CHODL: variants seen among roughly 807,000 people sequenced by gnomAD.
The protein encoded by CHODL is chondrolectin, also known as transmembrane protein MT75.
In CHODL, 29 loss-of-function variants were observed where a neutral mutation model predicts 34.5. The observed-to-expected ratio is 0.84, with a 90% CI of 0.63 to 1.15. CHODL has a LOEUF of 1.15. Among genes scored for constraint, CHODL ranks in the 50% most tolerant of loss-of-function variants. CHODL has a pLI of 0.00. For missense variants in CHODL, 332 were observed against 332.5 expected, an observed-to-expected ratio of 1.00 and a Z score of 0.01; for synonymous variants, 125 against 116.1, an observed-to-expected ratio of 1.08 and a Z score of -0.49.
chr21:18,156,430 A>G (rs1285777370), intron 2 of CHODL, among the ~76,000 whole-genome samples: 1 of 152,212 alleles, frequency 6.6e-6, no homozygotes, highest in South Asian at 2.1e-4. Flanking sequence ...ATATATACAC[A>G]CATATATAGT....
intron 2 of CHODL, among the ~76,000 whole-genome samples, chr21:18,038,278 A>T (rs942677593): frequency 2.0e-5 from 3 of 151,738 alleles, no homozygotes; most frequent in Non-Finnish European, 4.4e-5. Context: ...AGACATTCCC[A>T]ATGTATAAGG....
chr21:18,002,594 C>G (rs974143425), intron 1 of CHODL, among the ~76,000 whole-genome samples: 1 of 152,140 alleles, frequency 6.6e-6, no homozygotes, highest in Non-Finnish European at 1.5e-5. Context: ...TGAGCTAGTT[C>G]TCTATGAGCA....
At chr21:17,978,490 G>A (rs546041719) in intron 1 of CHODL, among the ~76,000 whole-genome samples, 1 of 151,570 alleles carries the variant, frequency 6.6e-6, no homozygotes, top group South Asian at 2.1e-4. Context: ...AGGCCGAGGT[G>A]GGCGGATCAT....
At position 18,245,397 on chromosome 21, in the gene CHODL, G is replaced by A. The variant is rs185236455; in HGVS notation, c.79+95G>A. 1.5e-4 allele frequency: 155 copies of A among 1,056,536 alleles called. No individual in the cohort carries two copies. The African/African-American group carries it at 2.3e-3, about 16-fold the overall frequency. 65.4% of individuals were successfully genotyped at this position (1,056,536 alleles called of 1,614,324 possible). On this transcript the variant is annotated intron_variant, in intron 1 of 5. Coordinates refer to ENST00000299295, the MANE Select transcript of CHODL (RefSeq NM_024944.3). ...TTCTCGGGCGGAGGCTCTCCGGGGC[G>A]TTGGAAACCTGCATGGTGTAAGGAC...
At chr21:18,025,663 C>A (rs2064167775) in intron 1 of CHODL, among the ~76,000 whole-genome samples, 2 of 151,876 alleles carry the variant, frequency 1.3e-5, no homozygotes, top group Admixed American at 1.3e-4. Context: ...TAACAAAATA[C>A]CCCCAGACTG....
rs189902710 is a variant in CHODL at position 18,093,637 on chromosome 21, A to G, written c.-45+65666A>G. On this transcript the variant is annotated intron_variant, in intron 2 of 6. Coordinates refer to the CHODL transcript ENST00000400127. ...TAGTTTTCTTTTTGCATGTTTGTTT[A>G]TGCAATCAGTGTTAAGTTGTCATCA... 3.0e-3 allele frequency among the ~76,000 whole-genome samples: 456 copies of G among 152,336 alleles called. 2 individuals are homozygous for G. The highest frequency in any genetic ancestry group is 4.6e-3 in the Non-Finnish European group (314 of 68,008).
intron 2 of CHODL, among the ~76,000 whole-genome samples, chr21:18,099,710 T>C (rs2065187993): frequency 6.6e-6 from 1 of 152,110 alleles, no homozygotes; most frequent in Non-Finnish European, 1.5e-5. Context: ...ACCAATCAAA[T>C]TATTCAATAA....
At chr21:18,113,148 C>T (rs1393129534) in intron 2 of CHODL, among the ~76,000 whole-genome samples, 30 of 152,022 alleles carry the variant, frequency 2.0e-4, no homozygotes, top group Non-Finnish European at 5.9e-5. Context: ...ATACAGATGG[C>T]AAATAGGCAT....
At chr21:18,028,208 T>TC (rs1483800853) in intron 2 of CHODL, among the ~76,000 whole-genome samples, 2 of 75,330 alleles carry the variant, frequency 2.7e-5, no homozygotes, top group East Asian at 2.4e-4. Flanking sequence ...CTTTAGCTCT[T>TC]CCTCCCCTCC....
At chr21:18,086,692 C>A (rs1329199451) in intron 2 of CHODL, among the ~76,000 whole-genome samples, 1 of 152,116 alleles carries the variant, frequency 6.6e-6, no homozygotes, top group Non-Finnish European at 1.5e-5. Context: ...TTTCTGGGAA[C>A]TTTATCACCA....
At chr21:18,200,961 C>T (rs944881685) in intron 2 of CHODL, among the ~76,000 whole-genome samples, 2 of 152,064 alleles carry the variant, frequency 1.3e-5, no homozygotes, top group Non-Finnish European at 2.9e-5. Flanking sequence ...TCCCCAGAAC[C>T]GTCAGAAGGA....
intron 2 of CHODL, among the ~76,000 whole-genome samples, chr21:18,096,349 C>T (rs948851213): frequency 1.3e-5 from 2 of 152,152 alleles, no homozygotes; most frequent in African/African-American, 4.8e-5. Context: ...TTTCAGGGAA[C>T]AAGGGAGATA....
intron 1 of CHODL, among the ~76,000 whole-genome samples, chr21:18,022,024 A>G (rs2064132768): frequency 6.6e-6 from 1 of 152,190 alleles, no homozygotes; most frequent in African/African-American, 2.4e-5. Flanking sequence ...CCAATGCCCC[A>G]GGAAATTAGT....
intron 1 of CHODL, among the ~76,000 whole-genome samples, chr21:18,248,584 T>TTA (rs534470680): frequency 0.014 from 1,873 of 137,746 alleles, 51 homozygotes; most frequent in African/African-American, 0.044. Context: ...GTAATGTATT[T>TTA]TATATATATA....
intron 2 of CHODL, among the ~76,000 whole-genome samples, chr21:18,037,211 C>A (rs190053576): frequency 6.6e-6 from 1 of 151,822 alleles, no homozygotes. Context: ...ATACAGCAAG[C>A]GATCCTATGT....
chr21:18,135,864 T>TC (rs1251997890), intron 2 of CHODL, among the ~76,000 whole-genome samples: 1 of 152,046 alleles, frequency 6.6e-6, no homozygotes, highest in East Asian at 1.9e-4. Context: ...ATTTCAGCAC[T>TC]TTGGGAGGCC....
rs537494771 is a variant in CHODL at position 18,040,749 on chromosome 21, G to A, written c.-45+12778G>A. Among the ~76,000 whole-genome samples, 4 of 151,798 alleles carry A rather than the reference G, an allele frequency of 2.6e-5. No individual in the cohort carries two copies. In the South Asian group the frequency reaches 6.2e-4, roughly 24 times the overall value. ...GGACCATTTTATTTTAGTGTATCTTGAGTGTTATCCACAGAACTCTTTACT... is the reference window on the plus strand; with the variant it reads ...GGACCATTTTATTTTAGTGTATCTTAAGTGTTATCCACAGAACTCTTTACT... On this transcript the variant is annotated intron_variant, in intron 2 of 6. Coordinates refer to the CHODL transcript ENST00000400127.
intron 2 of CHODL, among the ~76,000 whole-genome samples, chr21:18,047,653 A>G (rs1023421334): frequency 6.6e-6 from 1 of 151,974 alleles, no homozygotes; most frequent in Non-Finnish European, 1.5e-5. Flanking sequence ...GGGAAACCCC[A>G]GAGTGCCACA....
intron 2 of CHODL, among the ~76,000 whole-genome samples, chr21:18,043,447 A>G (rs181157807): frequency 5.8e-4 from 88 of 152,070 alleles, no homozygotes; most frequent in Admixed American, 1.2e-3. Context: ...CTCGAACACA[A>G]TAAGATGTTC....
Sources: allele counts gnomAD v4.1 joint callset (sites outside exome capture counted in the v4.1 genomes callset), GRCh38; gene constraint gnomAD v4.1.1; transcripts MANE v1.5; gene names NCBI Gene and HGNC (gene_info 2026-07-23, HGNC 2026-07-21).